The following CERS3 variants were observed in gnomAD, a reference collection of about 807,000 sequenced individuals.
CERS3 encodes ceramide synthase 3.
A neutral mutation model predicts 50.3 loss-of-function variants in CERS3; 33 were observed. The ratio of observed to expected loss-of-function variants is 0.66; its 90% CI spans 0.50 to 0.88. CERS3 has a LOEUF of 0.88. CERS3 is among the 40% of genes least tolerant of loss of function. The pLI is 0.00. For missense variants in CERS3, 470 were observed against 460.3 expected (o/e 1.02, Z -0.19); for synonymous variants, 176 against 155.2 (o/e 1.13, Z -0.99).
At position 100,501,708 on chromosome 15, in the gene CERS3, G is replaced by A. The variant is rs2036004765; in HGVS notation, c.142C>T (p.Leu48Phe). The A allele has an allele frequency of 6.2e-7, 1 of 1,613,726 alleles. No individual in the cohort carries two copies. The highest frequency in any genetic ancestry group is 8.5e-7 in the Non-Finnish European group (1 of 1,179,760). ...HLYVTIPYAF[L>F]LLIIRRVFEK... ...AATACACGTCTGATAATCAGCAAGAGAAAAGCATATGGAATTGTCACGTAT... is the reference window on the plus strand; with the variant it reads ...AATACACGTCTGATAATCAGCAAGAAAAAAGCATATGGAATTGTCACGTAT... The change falls in exon 3 of 12, where the codon CTC becomes TTC. Residue 48 changes from leucine to phenylalanine, a missense_variant. Physicochemically the swap from Leu to Phe is conservative, Grantham distance 22. Coordinates refer to ENST00000679737, the MANE Select transcript of CERS3 (RefSeq NM_001378789.1).
intron 3 of CERS3, among the ~76,000 whole-genome samples, 199 bp downstream of exon 3, chr15:100,501,478 T>C (rs567602787): frequency 1.3e-5 from 2 of 152,374 alleles, no homozygotes; most frequent in African/African-American, 2.4e-5. Context: ...GATCCATGTT[T>C]CTAATTTTTT....
intron 11 of CERS3, among the ~76,000 whole-genome samples, chr15:100,446,508 C>T (rs1052770215): frequency 9.9e-5 from 15 of 151,810 alleles, no homozygotes; most frequent in African/African-American, 2.7e-4. Context: ...CTTCAGTGAT[C>T]TTTGAGGCAC....
chr15:100,430,131 TG>T (rs1302859202), intron 11 of CERS3, among the ~76,000 whole-genome samples: 1 of 151,596 alleles, frequency 6.6e-6, no homozygotes, highest in Non-Finnish European at 1.5e-5. Context: ...GCTAACACGG[TG>T]GAACCCTGTC....
rs996728 is a variant in CERS3, at chr15:100,471,674, C to T, written c.738+1250G>A. On this transcript the variant is annotated intron_variant, in intron 9 of 11. Coordinates refer to ENST00000679737, the MANE Select transcript of CERS3 (RefSeq NM_001378789.1). ...CCAGACAGCACCATACAGAAAAAAA[C>T]GGCACAATCCTTCTCCTGCTAAGTC... Among the ~76,000 whole-genome samples, 743 of 152,262 alleles carry T rather than the reference C, an allele frequency of 4.9e-3. 4 individuals are homozygous for T. The highest frequency in any genetic ancestry group is 0.016 in the African/African-American group (679 of 41,536).
At chr15:100,467,374 C>T (rs1355252769) in intron 10 of CERS3, among the ~76,000 whole-genome samples, 2 of 152,002 alleles carry the variant, frequency 1.3e-5, no homozygotes, top group Non-Finnish European at 2.9e-5. Flanking sequence ...GGGTAAAATC[C>T]GGCCTGCAAC....
intron 11 of CERS3, among the ~76,000 whole-genome samples, chr15:100,444,674 C>T (rs2033856750): frequency 1.3e-5 from 2 of 152,226 alleles, no homozygotes; most frequent in Non-Finnish European, 1.5e-5. Flanking sequence ...AGGCCCCCTC[C>T]CTTCCCTACA....
rs146697715 is a variant in CERS3 at position 100,433,646 on chromosome 15, A to C, written c.999+22247T>G. On this transcript the variant is annotated intron_variant, in intron 11 of 11. Coordinates refer to ENST00000679737, the MANE Select transcript of CERS3 (RefSeq NM_001378789.1). ...ACTTCTCCCTTTGCCCAGCCCAGCT[A>C]CCCTCACTCCCTCACAGGTGTGGAA... 4.5e-3 allele frequency among the ~76,000 whole-genome samples: 681 copies of C among 152,114 alleles called. 5 individuals are homozygous for C. The highest frequency in any genetic ancestry group is 0.015 in the African/African-American group (618 of 41,516).
At chr15:100,496,754 C>T (rs2035827534) in intron 3 of CERS3, among the ~76,000 whole-genome samples, 1 of 152,118 alleles carries the variant, frequency 6.6e-6, no homozygotes, top group Admixed American at 6.5e-5. Flanking sequence ...TTCTGCCAGT[C>T]CAGTCAATTC....
intron 11 of CERS3, among the ~76,000 whole-genome samples, chr15:100,443,181 C>T (rs1450626752): frequency 1.3e-5 from 2 of 150,510 alleles, no homozygotes; most frequent in African/African-American, 4.9e-5. Flanking sequence ...TACCTTAACC[C>T]ACAAGTATAA....
At chr15:100,451,810 A>G (rs954371666) in intron 11 of CERS3, among the ~76,000 whole-genome samples, 8 of 152,210 alleles carry the variant, frequency 5.3e-5, no homozygotes, top group Non-Finnish European at 1.2e-4. Flanking sequence ...GGAAACCAAA[A>G]GCAAGCAGAA....
At chr15:100,507,583 G>C (rs115111849) in intron 2 of CERS3, among the ~76,000 whole-genome samples, 2,252 of 152,350 alleles carry the variant, frequency 0.015, 65 homozygotes, top group African/African-American at 0.051. Flanking sequence ...CCTGATCCTA[G>C]TGTACTGGAC....
intron 10 of CERS3, among the ~76,000 whole-genome samples, chr15:100,464,823 C>T (rs985799409): frequency 6.6e-5 from 10 of 152,140 alleles, no homozygotes. Flanking sequence ...ACAATTTGAC[C>T]AGTGTGCTTT....
intron 11 of CERS3, among the ~76,000 whole-genome samples, chr15:100,413,834 C>T (rs973263157): frequency 3.4e-5 from 5 of 148,396 alleles, no homozygotes; most frequent in African/African-American, 1.2e-4. Flanking sequence ...ACTAGAAAAC[C>T]TAGAAGAAAT....
Position 100,541,615 on chromosome 15 carries a change from T to A in CERS3, c.-355+3036A>T, listed in dbSNP as rs188626565. Among the ~76,000 whole-genome samples the A allele has an allele frequency of 2.6e-5, 4 of 152,342 alleles. No individual in the cohort carries two copies. The East Asian group carries it at 5.8e-4, about 22-fold the overall frequency. ...AGAAATTTAGATGTGAGCTAGCCTG[T>A]TTCTTTGTTGGGTGCTGTTTGAACG... On this transcript the variant is annotated intron_variant, in intron 1 of 12. Coordinates refer to the CERS3 transcript ENST00000284382.
chr15:100,419,079 C>T (rs1225427646), intron 11 of CERS3, among the ~76,000 whole-genome samples: 6 of 87,270 alleles, frequency 6.9e-5, no homozygotes, highest in African/African-American at 2.2e-4. Context: ...TCACACATAA[C>T]AATACTAACT....
chr15:100,441,660 A>G (rs1224634992), intron 11 of CERS3, among the ~76,000 whole-genome samples: 1 of 152,126 alleles, frequency 6.6e-6, no homozygotes, highest in East Asian at 1.9e-4. Context: ...CTTGACCCCA[A>G]TACAAACTTG....
At chr15:100,506,000 T>C (rs1488604282) in intron 2 of CERS3, among the ~76,000 whole-genome samples, 1 of 152,160 alleles carries the variant, frequency 6.6e-6, no homozygotes, top group Non-Finnish European at 1.5e-5. Context: ...AGTGACAGAA[T>C]TTGGTAGCCA....
chr15:100,520,494 G>A lies in CERS3; in HGVS notation c.-2+1173C>T, dbSNP rs1279118522. Among the ~76,000 whole-genome samples, 6 of 152,158 alleles carry A rather than the reference G, an allele frequency of 3.9e-5. No homozygotes were observed. The South Asian group carries it at 6.2e-4, about 16-fold the overall frequency. On this transcript the variant is annotated intron_variant, in intron 2 of 11. Coordinates refer to ENST00000679737, the MANE Select transcript of CERS3 (RefSeq NM_001378789.1). ...TCTTCATGTGACTCCTGAAGGCCCC[G>A]CTGAACTGCTCCTTCTCACAGCGAG...
In CERS3 at chr15:100,490,253, A is replaced by G. The variant is rs1419080119; in HGVS notation, c.288+564T>C. On this transcript the variant is annotated intron_variant, in intron 4 of 11. Transcript: ENST00000679737. Reference sequence around the variant, plus strand: ...GTATTTAAGCATGCAGTGCACTACAACATAAATGAAGGAAACTTTATATTG... The same window carrying G: ...GTATTTAAGCATGCAGTGCACTACAGCATAAATGAAGGAAACTTTATATTG... Among the ~76,000 whole-genome samples the G allele has an allele frequency of 2.0e-5, 3 of 152,178 alleles. No homozygotes were observed. In the South Asian group the frequency reaches 6.2e-4, roughly 31 times the overall value.
Sources: gnomAD v4.1 joint callset for allele counts (sites outside exome capture counted in the v4.1 genomes callset) on GRCh38, gnomAD v4.1.1 for gene constraint, MANE v1.5 for transcripts, NCBI Gene and HGNC (gene_info 2026-07-23, HGNC 2026-07-21) for gene names.